The following WWOX variants were observed in gnomAD, a reference collection of about 807,000 sequenced individuals.
WWOX encodes the protein WW domain containing oxidoreductase, also known as WW domain-containing oxidoreductase.
WWOX carries 69 observed loss-of-function variants against 46.2 expected under a neutral mutation model. The observed-to-expected ratio is 1.49, with a 90% CI of 1.23 to 1.82. The LOEUF is 1.82. Among genes scored for constraint, WWOX ranks in the 40% most tolerant of loss-of-function variants. The probability of loss-of-function intolerance (pLI) is 0.00; values close to 1 mark genes in which losing one functional copy is unlikely to be tolerated. For synonymous variants in WWOX, 359 were observed against 202.6 expected (o/e 1.77, Z -6.56); for missense variants, 919 against 542.6 (o/e 1.69, Z -6.89).
chr16:78,971,985 G>C (rs1156869867), intron 8 of WWOX, among the ~76,000 whole-genome samples: 2 of 152,142 alleles, frequency 1.3e-5, no homozygotes, highest in East Asian at 3.9e-4. Context: ...CCCAGGCCGA[G>C]GTAGGAGTTT....
At chr16:78,236,634 C>G (rs2037447347) in intron 5 of WWOX, among the ~76,000 whole-genome samples, 1 of 152,122 alleles carries the variant, frequency 6.6e-6, no homozygotes, top group Non-Finnish European at 1.5e-5. Context: ...ATTCTTGGCT[C>G]AAGCAGGATA....
At chr16:78,425,116 C>A (rs922761596) in intron 7 of WWOX, 61 bp downstream of exon 7, 2 of 1,597,194 alleles carry the variant, frequency 1.3e-6, no homozygotes, top group Non-Finnish European at 1.7e-6. Flanking sequence ...AATATTCCCC[C>A]AAGGCTCTCA....
intron 8 of WWOX, among the ~76,000 whole-genome samples, chr16:78,725,061 C>T (rs908143856): frequency 7.9e-5 from 12 of 151,900 alleles, no homozygotes; most frequent in Admixed American, 2.6e-4. Context: ...TGGGAGGGAC[C>T]GGGTGGGAGA....
chr16:78,669,137 C>A (rs913152579), intron 8 of WWOX, among the ~76,000 whole-genome samples: 1 of 152,120 alleles, frequency 6.6e-6, no homozygotes, highest in East Asian at 1.9e-4. Context: ...CCCATCTCCA[C>A]CACAAGGAAG....
chr16:78,510,272 C>T (rs1390171320), intron 8 of WWOX, among the ~76,000 whole-genome samples: 1 of 152,166 alleles, frequency 6.6e-6, no homozygotes, highest in African/African-American at 2.4e-5. Context: ...GTGGCGCGAT[C>T]TCCACTCACC....
chr16:78,705,125 G>C (rs1306469907), intron 8 of WWOX, among the ~76,000 whole-genome samples: 1 of 152,086 alleles, frequency 6.6e-6, no homozygotes, highest in East Asian at 1.9e-4. Context: ...TTCAGTGTTA[G>C]AGAAAAGGCT....
intron 5 of WWOX, among the ~76,000 whole-genome samples, chr16:78,254,407 TCCCCA>T: frequency 6.7e-6 from 1 of 148,502 alleles, no homozygotes; most frequent in South Asian, 2.2e-4. Context: ...TGATCATTAA[TCCCCA>T]CCCCACCCCA....
chr16:78,629,080 C>T (rs929234845), intron 8 of WWOX, among the ~76,000 whole-genome samples: 1 of 152,150 alleles, frequency 6.6e-6, no homozygotes, highest in African/African-American at 2.4e-5. Context: ...TTACATATTT[C>T]AAAATGTGAA....
chr16:78,812,539 T>G (rs1188307698), intron 8 of WWOX, among the ~76,000 whole-genome samples: 1 of 151,718 alleles, frequency 6.6e-6, no homozygotes, highest in Non-Finnish European at 1.5e-5. Flanking sequence ...CTGGCCAACA[T>G]GGCGAAACTC....
intron 5 of WWOX, among the ~76,000 whole-genome samples, chr16:78,321,247 T>A (rs912904537): frequency 6.6e-6 from 1 of 150,578 alleles, no homozygotes; most frequent in African/African-American, 2.4e-5. Context: ...CTCTTTTGTT[T>A]AAGGCAACAC....
At chr16:78,406,638 T>G (rs1418265926) in intron 6 of WWOX, among the ~76,000 whole-genome samples, 1 of 150,154 alleles carries the variant, frequency 6.7e-6, no homozygotes, top group Non-Finnish European at 1.5e-5. Flanking sequence ...TTTTTTTTTT[T>G]TTTTGAGAGA....
At chr16:78,210,687 T>A (rs2151787049) in intron 5 of WWOX, among the ~76,000 whole-genome samples, 1 of 152,302 alleles carries the variant, frequency 6.6e-6, no homozygotes, top group African/African-American at 2.4e-5. Context: ...TAATATTAGA[T>A]TTCCCCTGTT....
chr16:78,720,346 A>T (rs1214838779), intron 8 of WWOX, among the ~76,000 whole-genome samples: 2 of 152,138 alleles, frequency 1.3e-5, no homozygotes, highest in African/African-American at 4.8e-5. Flanking sequence ...ACAAGAAAGA[A>T]TTATTTTTCT....
chr16:78,971,775 C>G (rs562508580), intron 8 of WWOX, among the ~76,000 whole-genome samples: 60 of 137,696 alleles, frequency 4.4e-4, no homozygotes, highest in Non-Finnish European at 7.4e-4. Flanking sequence ...GGGTTCCAAA[C>G]TTTACCTGAG....
intron 8 of WWOX, among the ~76,000 whole-genome samples, chr16:79,015,044 GC>G (rs951253894): frequency 4.0e-4 from 61 of 152,284 alleles, no homozygotes; most frequent in Non-Finnish European, 1.2e-4. Context: ...CATGAAAGGG[GC>G]CTTTCTCCTG....
intron 8 of WWOX, among the ~76,000 whole-genome samples, chr16:78,796,006 C>A (rs1354202603): frequency 6.6e-6 from 1 of 152,106 alleles, no homozygotes; most frequent in Admixed American, 6.6e-5. Context: ...TTTAAATATC[C>A]TAAGACCCAC....
intron 8 of WWOX, among the ~76,000 whole-genome samples, chr16:78,584,496 C>G (rs1341423281): frequency 1.3e-5 from 2 of 152,206 alleles, no homozygotes; most frequent in African/African-American, 2.4e-5. Flanking sequence ...GGATTAAAGA[C>G]AAGGACTGTT....
chr16:78,883,155 A>C (rs563638909), intron 8 of WWOX, among the ~76,000 whole-genome samples: 1 of 152,316 alleles, frequency 6.6e-6, no homozygotes, highest in East Asian at 1.9e-4. Context: ...GCCTAGGCAC[A>C]AAATAACTCA....
At chr16:79,206,754 A>G (rs2051525730) in intron 8 of WWOX, 1 of 152,220 alleles carries the variant, frequency 6.6e-6, no homozygotes, top group Admixed American at 6.5e-5. Flanking sequence ...TAATTTCATT[A>G]TAGAAGTATC....
Sources: gnomAD v4.1 joint callset for allele counts (sites outside exome capture counted in the v4.1 genomes callset) on GRCh38, gnomAD v4.1.1 for gene constraint, MANE v1.5 for transcripts, NCBI Gene and HGNC (gene_info 2026-07-23, HGNC 2026-07-21) for gene names.